STAT5B: variants seen among roughly 807,000 people sequenced by gnomAD.
STAT5B encodes signal transducer and activator of transcription 5B.
In STAT5B, 21 loss-of-function variants were observed where a neutral mutation model predicts 107.8. The observed-to-expected ratio is 0.19, with a 90% CI of 0.14 to 0.28. The LOEUF is 0.28. Ranked by LOEUF, STAT5B falls within the 10% of genes least tolerant of loss-of-function variation. The pLI is 1.00. For synonymous variants in STAT5B, 325 were observed against 401.7 expected, an observed-to-expected ratio of 0.81 and a Z score of 2.28; for missense variants, 565 against 1,008.2, an observed-to-expected ratio of 0.56 and a Z score of 5.95.
intron 1 of STAT5B, among the ~76,000 whole-genome samples, chr17:42,252,054 T>C (rs1335079227): frequency 1.3e-5 from 2 of 151,656 alleles, no homozygotes; most frequent in East Asian, 1.9e-4. Context: ...TATGTTACTG[T>C]TGATGTACAT....
At chr17:42,209,416 G>C (rs2080111479) in intron 15 of STAT5B, among the ~76,000 whole-genome samples, 1 of 152,214 alleles carries the variant, frequency 6.6e-6, no homozygotes, top group South Asian at 2.1e-4. Context: ...TATTGTGAGG[G>C]TCAGAGGAGA....
At chr17:42,261,920 G>A (rs1598336777) in intron 1 of STAT5B, among the ~76,000 whole-genome samples, 1 of 151,926 alleles carries the variant, frequency 6.6e-6, no homozygotes, top group South Asian at 2.1e-4. Flanking sequence ...GGCTAGTCTC[G>A]AACTCCCGGC....
chr17:42,202,494 C>G (rs1345402996), intron 17 of STAT5B, 47 bp from the exon 18 acceptor site: 2 of 1,606,624 alleles, frequency 1.2e-6, no homozygotes, highest in Non-Finnish European at 8.5e-7. Flanking sequence ...GAGGCCAGGG[C>G]AGCTGACTTG....
chr17:42,235,990 TA>T (rs1881994233), intron 1 of STAT5B, among the ~76,000 whole-genome samples: 1 of 152,246 alleles, frequency 6.6e-6, no homozygotes, highest in Admixed American at 6.5e-5. Context: ...AATGTCACTC[TA>T]TTTTGCCTTA....
intron 16 of STAT5B, among the ~76,000 whole-genome samples, chr17:42,204,170 T>C (rs2080068223): frequency 6.6e-6 from 1 of 152,194 alleles, no homozygotes; most frequent in Admixed American, 6.5e-5. Flanking sequence ...GTGCCAAGAA[T>C]GCGATGTGTC....
rs1312195490 is a variant in STAT5B at position 42,223,537 on chromosome 17, C to T, written c.395G>A (p.Ser132Asn). 3 of 1,614,162 alleles carry T rather than the reference C, an allele frequency of 1.9e-6. No individual in the cohort carries two copies. Among genetic ancestry groups the T allele is most frequent in the Admixed American group, 1.7e-5 (1 of 60,024 alleles). ...EANNGSSPAG[S>N]LADAMSQKHL... The stretch of plus-strand genomic sequence containing the variant: ...TTTCTGGGACATGGCATCAGCAAGG[C>T]TTCCAGCTGGAGAGCTACCCTGGGA... Residue 132 changes from serine (S) to asparagine (N), a missense_variant, in exon 5 of 19, where the codon AGC (serine) becomes AAC (asparagine). Around this residue, in one of 11 missense-constraint regions of STAT5B, gnomAD observed 54 missense variants for 49.7 expected, o/e 1.09. Coordinates refer to ENST00000293328, the MANE Select transcript of STAT5B (RefSeq NM_012448.4).
chr17:42,251,224 T>C (rs1367611831), intron 1 of STAT5B, among the ~76,000 whole-genome samples: 1 of 152,088 alleles, frequency 6.6e-6, no homozygotes, highest in Non-Finnish European at 1.5e-5. Flanking sequence ...AAGCTTTAGA[T>C]TGTAAAAGTG....
intron 12 of STAT5B, among the ~76,000 whole-genome samples, chr17:42,215,666 T>G (rs1217205816): frequency 6.6e-6 from 1 of 152,218 alleles, no homozygotes; most frequent in Non-Finnish European, 1.5e-5. Flanking sequence ...TCACCCAGGC[T>G]GGAGTGCAGT....
chr17:42,264,274 G>A (rs970396787), intron 1 of STAT5B, among the ~76,000 whole-genome samples: 3 of 151,020 alleles, frequency 2.0e-5, no homozygotes, highest in South Asian at 2.1e-4. Flanking sequence ...AGTTACATAC[G>A]TATACATGTG....
At chr17:42,217,326 TC>T (rs768271294) in intron 10 of STAT5B, 44 bp from the exon 11 acceptor site, 30 of 1,614,092 alleles carry the variant, frequency 1.9e-5, no homozygotes, top group Non-Finnish European at 2.5e-5. Flanking sequence ...TATAAGTTGT[TC>T]CCCTCAAAGA....
chr17:42,235,767 C>T (rs541972994), intron 1 of STAT5B, among the ~76,000 whole-genome samples: 1 of 152,282 alleles, frequency 6.6e-6, no homozygotes, highest in Non-Finnish European at 1.5e-5. Flanking sequence ...TGAGCCACCA[C>T]GCTCGGCCAG....
intron 1 of STAT5B, among the ~76,000 whole-genome samples, chr17:42,241,805 A>G (rs2080405851): frequency 6.6e-6 from 1 of 152,206 alleles, no homozygotes; most frequent in South Asian, 2.1e-4. Context: ...TTAAGACTTC[A>G]TTCATATTAA....
intron 1 of STAT5B, among the ~76,000 whole-genome samples, chr17:42,257,953 A>G (rs920308155): frequency 6.6e-5 from 10 of 152,142 alleles, no homozygotes; most frequent in Non-Finnish European, 1.0e-4. Flanking sequence ...AATCCTAACC[A>G]CTAGACAACC....
chr17:42,228,325 CTT>C (rs1297131289), intron 2 of STAT5B, among the ~76,000 whole-genome samples: 2 of 152,226 alleles, frequency 1.3e-5, no homozygotes. Flanking sequence ...ACGCTACAGA[CTT>C]TGCATTGATT....
intron 1 of STAT5B, among the ~76,000 whole-genome samples, chr17:42,258,473 G>GT (rs1009263511): frequency 6.6e-6 from 1 of 152,214 alleles, no homozygotes; most frequent in African/African-American, 2.4e-5. Flanking sequence ...GAGGTCAGGA[G>GT]TTTGAGACCA....
At chr17:42,218,390 A>T in intron 8 of STAT5B, 60 bp from the exon 9 acceptor site, 1 of 1,579,658 alleles carries the variant, frequency 6.3e-7, no homozygotes, top group Non-Finnish European at 8.6e-7. Context: ...AAGGGCTCTC[A>T]GTCCCTCTGT....
chr17:42,253,107 C>CCTTTCTTTCTTTCTTTCTTT (rs3048166), intron 1 of STAT5B, among the ~76,000 whole-genome samples: 1 of 148,424 alleles, frequency 6.7e-6, no homozygotes. Context: ...AGACGTTGAA[C>CCTTTCTTTCTTTCTTTCTTT]CTTTCTTTCT....
At chr17:42,265,395 G>GTTTTTTTTTTTTTTTT (rs1567678433) in intron 1 of STAT5B, among the ~76,000 whole-genome samples, 18 of 69,948 alleles carry the variant, frequency 2.6e-4, no homozygotes, top group African/African-American at 1.6e-3. Flanking sequence ...TTTTTGAGAC[G>GTTTTTTTTTTTTTTTT]AAGTCTCGCT....
intron 4 of STAT5B, among the ~76,000 whole-genome samples, 186 bp from the exon 5 acceptor site, chr17:42,223,742 G>A (rs753366334): frequency 2.5e-4 from 38 of 152,110 alleles, no homozygotes; most frequent in South Asian, 2.1e-4. Flanking sequence ...ACAGGTGAGC[G>A]GACAGATCAT....
Sources: gnomAD v4.1 joint callset for allele counts (sites outside exome capture counted in the v4.1 genomes callset) on GRCh38, gnomAD v4.1.1 for gene constraint, gnomAD v4.1.1 regional missense constraint, MANE v1.5 for transcripts, NCBI Gene and HGNC (gene_info 2026-07-23, HGNC 2026-07-21) for gene names.